The following AACS variants were observed in gnomAD, a reference collection of about 807,000 sequenced individuals.
AACS encodes the protein acetoacetate-CoA ligase.
In AACS, 69 loss-of-function variants were observed where a neutral mutation model predicts 83.1. The ratio of observed to expected loss-of-function variants is 0.83; its 90% CI spans 0.68 to 1.01. The LOEUF is 1.01. Among genes scored for constraint, AACS ranks in the 50% least tolerant of loss-of-function variants. AACS has a pLI of 0.00. For missense variants in AACS, 866 were observed against 882.2 expected (o/e 0.98, Z 0.23); for synonymous variants, 333 against 343.4 (o/e 0.97, Z 0.33).
chr12:125,088,472 A>T (rs2136069946), intron 4 of AACS, among the ~76,000 whole-genome samples: 1 of 152,138 alleles, frequency 6.6e-6, no homozygotes, highest in South Asian at 2.1e-4. Context: ...GGCTCAAGAG[A>T]TCCTCCTGCC....
chr12:125,108,054 G>T (rs1167602593), intron 8 of AACS, among the ~76,000 whole-genome samples: 3 of 152,208 alleles, frequency 2.0e-5, no homozygotes, highest in Non-Finnish European at 2.9e-5. Flanking sequence ...GGAGCGGAAT[G>T]TGTGCACGTG....
chr12:125,090,693 AT>A (rs1164583225), intron 4 of AACS, among the ~76,000 whole-genome samples: 1 of 142,402 alleles, frequency 7.0e-6, no homozygotes, highest in African/African-American at 3.1e-5. Context: ...TCATTCATCC[AT>A]CCATCCTCCA....
intron 7 of AACS, among the ~76,000 whole-genome samples, chr12:125,104,892 C>T (rs1043941227): frequency 2.2e-4 from 33 of 151,760 alleles, no homozygotes; most frequent in African/African-American, 7.8e-4. Flanking sequence ...GCAGGCTGTG[C>T]GAGAGGCATG....
At chr12:125,077,982 T>G (rs1278197761) in intron 3 of AACS, 1 of 378,858 alleles carries the variant, frequency 2.6e-6, no homozygotes, top group East Asian at 7.3e-5. Context: ...AGTGCTGGGA[T>G]TACAGGCGTG....
chr12:125,112,914 A>G (rs1007538694), intron 8 of AACS, among the ~76,000 whole-genome samples: 1 of 152,184 alleles, frequency 6.6e-6, no homozygotes, highest in African/African-American at 2.4e-5. Flanking sequence ...TGAGAATAGT[A>G]TGGGAGAAAC....
Position 125,102,804 on chromosome 12 carries a change from C to T in AACS, c.685+11C>T, listed in dbSNP as rs1956742876. The T allele has an allele frequency of 3.1e-6, 5 of 1,611,986 alleles. No individual in the cohort carries two copies. The East Asian group carries it at 1.1e-4, about 36-fold the overall frequency. On this transcript the variant is annotated intron_variant, in intron 6 of 17. Transcript: ENST00000316519. ...AGCAGGTGGTTAAAGGTGTGTGGCC[C>T]TTCCGGCTCCCAGCCGGCATGGCTG...
chr12:125,131,315 G>C (rs1240989748), intron 14 of AACS, among the ~76,000 whole-genome samples: 7 of 151,968 alleles, frequency 4.6e-5, no homozygotes, highest in Non-Finnish European at 7.4e-5. Context: ...GGGCTCAAAG[G>C]ATCCTCCCGC....
chr12:125,081,091 C>G (rs1956171442), intron 3 of AACS, among the ~76,000 whole-genome samples: 1 of 152,178 alleles, frequency 6.6e-6, no homozygotes, highest in African/African-American at 2.4e-5. Context: ...CTCCCCAGTT[C>G]AAGCCATCCT....
At chr12:125,066,911 G>A (rs1226427811) in intron 1 of AACS, among the ~76,000 whole-genome samples, 2 of 152,148 alleles carry the variant, frequency 1.3e-5, no homozygotes, top group Admixed American at 1.3e-4. Flanking sequence ...GCCCCATGTC[G>A]CTCACATCTC....
At chr12:125,122,818 T>C (rs1957177488) in intron 10 of AACS, 1 of 152,120 alleles carries the variant, frequency 6.6e-6, no homozygotes, top group Admixed American at 6.5e-5. Context: ...CTCTGGGCAG[T>C]CTCGGGCACC....
rs376201962 is a variant in AACS at position 125,066,128 on chromosome 12, G to A, written c.133+411G>A. ...CTTCCTCTGTTTGTGGGGGTCCCTT[G>A]CCAGTCCCCAGTGCCGTGCACTCTG... is the stretch of plus-strand genomic sequence containing the variant. On this transcript the variant is annotated intron_variant, in intron 1 of 17. Transcript: ENST00000316519. Among the ~76,000 whole-genome samples the A allele has an allele frequency of 2.5e-4, 38 of 152,228 alleles. No homozygotes were observed. The South Asian group carries it at 7.7e-3, about 31-fold the overall frequency.
chr12:125,084,254 G>C (rs1956273238), intron 3 of AACS, among the ~76,000 whole-genome samples: 2 of 151,528 alleles, frequency 1.3e-5, no homozygotes, highest in African/African-American at 4.8e-5. Context: ...GGAGGCGGAG[G>C]GTGCAGTGAG....
intron 3 of AACS, among the ~76,000 whole-genome samples, chr12:125,085,883 A>G (rs537709426): frequency 6.6e-6 from 1 of 152,248 alleles, no homozygotes; most frequent in Non-Finnish European, 1.5e-5. Context: ...TGGTGTGATC[A>G]TGGCTCACGT....
intron 3 of AACS, among the ~76,000 whole-genome samples, chr12:125,085,839 A>G (rs941114046): frequency 6.6e-6 from 1 of 152,144 alleles, no homozygotes; most frequent in African/African-American, 2.4e-5. Flanking sequence ...ATTTTGAGAC[A>G]GGTTCTTGCA....
At chr12:125,134,115 T>A (rs1258896256) in intron 15 of AACS, 43 bp downstream of exon 15, 3 of 1,598,142 alleles carry the variant, frequency 1.9e-6, no homozygotes, top group Non-Finnish European at 2.6e-6. Context: ...GAGCCCCACC[T>A]TCCAGAGGCA....
intron 4 of AACS, among the ~76,000 whole-genome samples, chr12:125,088,192 A>G (rs1342395490): frequency 6.7e-6 from 1 of 148,494 alleles, no homozygotes; most frequent in Non-Finnish European, 1.5e-5. Flanking sequence ...TGAATGAATG[A>G]CTATGGGTGT....
At chr12:125,083,613 TA>T (rs893066658) in intron 3 of AACS, among the ~76,000 whole-genome samples, 2 of 152,108 alleles carry the variant, frequency 1.3e-5, no homozygotes, top group African/African-American at 4.8e-5. Flanking sequence ...TTTAATCTTC[TA>T]AAAAATTATA....
In AACS at chr12:125,094,616, G is replaced by A. The variant is rs150316817; in HGVS notation, c.570+3093G>A. Among the ~76,000 whole-genome samples, 36 of 152,232 alleles carry A rather than the reference G, an allele frequency of 2.4e-4. No homozygotes were observed. The highest frequency in any genetic ancestry group is 8.7e-4 in the African/African-American group (36 of 41,534). ...CTGGGGGAACGCGTTTCTGGCCTCC[G>A]TCACTCCCCTGTGCTTTACTTCTAC... On this transcript the variant is annotated intron_variant, in intron 5 of 17. Coordinates refer to ENST00000316519, the MANE Select transcript of AACS (RefSeq NM_023928.5). This position sits in a 1 kb window ranked among gnomAD's most constrained non-coding sequence, Gnocchi z 4.1.
chr12:125,114,210 C>T (rs947521717), intron 8 of AACS, among the ~76,000 whole-genome samples: 4 of 151,240 alleles, frequency 2.6e-5, no homozygotes, highest in African/African-American at 9.7e-5. Context: ...TCCTGGGCAC[C>T]GAGAGCTTGA....
Sources: allele counts gnomAD v4.1 joint callset (sites outside exome capture counted in the v4.1 genomes callset), GRCh38; gene constraint gnomAD v4.1.1; non-coding constraint Gnocchi (gnomAD v3.1); transcripts MANE v1.5; gene names NCBI Gene and HGNC (gene_info 2026-07-23, HGNC 2026-07-21).